The following ATP2B1 variants were observed in gnomAD, a reference collection of about 807,000 sequenced individuals.
The protein encoded by ATP2B1 is ATPase plasma membrane Ca2+ transporting 1, also known as plasma membrane calcium-transporting ATPase 1.
Under a neutral mutation model 124.2 loss-of-function variants are expected in ATP2B1, and 14 were observed. The observed-to-expected ratio is 0.11, with a 90% CI of 0.07 to 0.18. The LOEUF is 0.18. ATP2B1 is among the 10% of genes least tolerant of loss of function. ATP2B1 has a pLI of 1.00. For synonymous variants in ATP2B1, 449 were observed against 492.4 expected (o/e 0.91, Z 1.17); for missense variants, 763 against 1,466.1 (o/e 0.52, Z 7.83).
chr12:89,637,319 G>A (rs983866045), intron 3 of ATP2B1, among the ~76,000 whole-genome samples: 1 of 152,100 alleles, frequency 6.6e-6, no homozygotes, highest in South Asian at 2.1e-4. Flanking sequence ...TTTTAGCTGC[G>A]AGACATTAAA....
At chr12:89,600,797 T>C (rs1160036203) in intron 19 of ATP2B1, among the ~76,000 whole-genome samples, 6 of 151,938 alleles carry the variant, frequency 3.9e-5, no homozygotes, top group Admixed American at 3.9e-4. Context: ...TACAGGCGCC[T>C]GCCACCATGC....
At chr12:89,630,439 G>A (rs1881667103) in intron 6 of ATP2B1, 66 bp downstream of exon 6, 3 of 1,297,252 alleles carry the variant, frequency 2.3e-6, no homozygotes, top group East Asian at 2.8e-5. Flanking sequence ...TTGAAAGAAG[G>A]TACTAGTTCT....
chr12:89,707,923 G>A (rs1484869357), intron 1 of ATP2B1, among the ~76,000 whole-genome samples: 3 of 152,200 alleles, frequency 2.0e-5, no homozygotes, highest in African/African-American at 7.2e-5. Context: ...AAGGGAGGTG[G>A]GGGCGCAGGC....
chr12:89,668,189 G>A lies in ATP2B1; in HGVS notation c.-221-12082C>T, dbSNP rs1019914439. Among the ~76,000 whole-genome samples, 6 of 152,132 alleles carry A rather than the reference G, an allele frequency of 3.9e-5. No individual in the cohort carries two copies. In the South Asian group the frequency reaches 6.2e-4, roughly 16 times the overall value. ...AAACACATTACCTATTTGTACCTCC[G>A]GAGGTTTTCTTAAAATTTCATCTTC... On this transcript the variant is annotated intron_variant, in intron 1 of 20. Transcript: ENST00000428670.
chr12:89,693,990 T>A (rs748487158), intron 1 of ATP2B1, among the ~76,000 whole-genome samples: 6 of 152,148 alleles, frequency 3.9e-5, no homozygotes, highest in African/African-American at 1.2e-4. Context: ...CCCATTCCAG[T>A]AGCATTCCAG....
chr12:89,651,350 C>T (rs750970335), intron 2 of ATP2B1, among the ~76,000 whole-genome samples: 7 of 150,780 alleles, frequency 4.6e-5, no homozygotes, highest in Non-Finnish European at 1.0e-4. Flanking sequence ...TTGACTCAGG[C>T]GATCCTCCCA....
chr12:89,621,824 C>G, intron 9 of ATP2B1, 33 bp from the exon 10 acceptor site: 1 of 1,487,450 alleles, frequency 6.7e-7, no homozygotes, highest in Non-Finnish European at 8.9e-7. Flanking sequence ...ACTAGTTAAG[C>G]TGCATATAAA....
intron 15 of ATP2B1, among the ~76,000 whole-genome samples, chr12:89,606,828 G>A (rs994558744): frequency 2.0e-5 from 3 of 151,772 alleles, no homozygotes; most frequent in Admixed American, 2.0e-4. Context: ...CACCCGCCTC[G>A]GCCTCCCAAA....
intron 1 of ATP2B1, among the ~76,000 whole-genome samples, chr12:89,685,985 T>G (rs1368404320): frequency 1.3e-5 from 2 of 152,112 alleles, no homozygotes; most frequent in Non-Finnish European, 2.9e-5. Flanking sequence ...ACTCCAGAAC[T>G]ATGAGAAAAT....
intron 5 of ATP2B1, among the ~76,000 whole-genome samples, chr12:89,633,480 ATTT>A (rs11301314): frequency 9.0e-5 from 13 of 144,628 alleles, no homozygotes; most frequent in East Asian, 2.0e-4. Flanking sequence ...ACATCTCAAG[ATTT>A]TTTTTTTTTT....
At chr12:89,653,283 CTTTTTTTTTTTTT>C (rs149270069) in intron 2 of ATP2B1, among the ~76,000 whole-genome samples, 1 of 76,116 alleles carries the variant, frequency 1.3e-5, no homozygotes, top group Non-Finnish European at 2.4e-5. Flanking sequence ...GAATTTTTTT[CTTTTTTTTTTTTT>C]TTTTTTTTTT....
At chr12:89,621,415 T>TATAA in intron 10 of ATP2B1, 134 bp downstream of exon 10, 1 of 634,628 alleles carries the variant, frequency 1.6e-6, no homozygotes. Flanking sequence ...AAAACCATTA[T>TATAA]ATAAATAAAT....
At chr12:89,677,993 C>CAT (rs1888877212) in intron 1 of ATP2B1, among the ~76,000 whole-genome samples, 1 of 103,250 alleles carries the variant, frequency 9.7e-6, no homozygotes, top group Non-Finnish European at 2.2e-5. Context: ...CACACACACA[C>CAT]ACACACACAC....
At chr12:89,671,108 G>C (rs1887920935) in intron 1 of ATP2B1, among the ~76,000 whole-genome samples, 1 of 152,076 alleles carries the variant, frequency 6.6e-6, no homozygotes, top group Non-Finnish European at 1.5e-5. Context: ...TGAAAACCAG[G>C]AGAATATCAG....
At chr12:89,670,370 A>AT (rs1887797972) in intron 1 of ATP2B1, among the ~76,000 whole-genome samples, 18 of 76,462 alleles carry the variant, frequency 2.4e-4, no homozygotes, top group African/African-American at 7.9e-4. Context: ...AATAAAACCG[A>AT]ATTTTTTTTT....
chr12:89,684,345 T>C (rs1157887210), intron 1 of ATP2B1, among the ~76,000 whole-genome samples: 1 of 152,102 alleles, frequency 6.6e-6, no homozygotes, highest in African/African-American at 2.4e-5. Context: ...GGGCCAAGAA[T>C]TAAATGTGCT....
At chr12:89,644,877 C>T (rs1177979312) in intron 2 of ATP2B1, among the ~76,000 whole-genome samples, 1 of 152,072 alleles carries the variant, frequency 6.6e-6, no homozygotes, top group Non-Finnish European at 1.5e-5. Context: ...TTTATGTTAC[C>T]ACTGAAAAGA....
At chr12:89,698,543 G>T (rs1175028734) in intron 1 of ATP2B1, among the ~76,000 whole-genome samples, 1 of 152,190 alleles carries the variant, frequency 6.6e-6, no homozygotes, top group Non-Finnish European at 1.5e-5. Context: ...ATGATTACCT[G>T]ACTGTGGTGG....
intron 1 of ATP2B1, among the ~76,000 whole-genome samples, chr12:89,706,662 C>G (rs972227518): frequency 6.6e-6 from 1 of 152,010 alleles, no homozygotes. Flanking sequence ...AAGACAATTC[C>G]CCCTTACACG....
Sources: gnomAD v4.1 joint callset for allele counts (sites outside exome capture counted in the v4.1 genomes callset) on GRCh38, gnomAD v4.1.1 for gene constraint, MANE v1.5 for transcripts, NCBI Gene and HGNC (gene_info 2026-07-23, HGNC 2026-07-21) for gene names.